Variants in DDN observed in about 807,000 individuals in gnomAD.
DDN encodes dendrin.
DDN carries 4 observed loss-of-function variants against 7.3 expected under a neutral mutation model. That is an observed-to-expected ratio of 0.55 (90% CI 0.27 to 1.25). DDN has a LOEUF of 1.25. DDN is among the 50% of genes most tolerant of loss of function. The pLI, the probability that DDN is intolerant of heterozygous loss-of-function variation, is 0.12. For synonymous variants in DDN, 425 were observed against 424.3 expected (o/e 1.00, Z -0.02); for missense variants, 933 against 974.7 (o/e 0.96, Z 0.57).
chr12:48,996,800 C>G lies in DDN; in HGVS notation c.2076G>C (p.Glu692Asp). The change falls in exon 2 of 2, where the codon GAG (glutamate) becomes GAC (aspartate). Residue 692 changes from glutamate (E) to aspartate (D), a missense_variant. Coordinates refer to ENST00000421952, the MANE Select transcript of DDN (RefSeq NM_015086.2). ...EILDVISQTE[E>D]VLFGVRDIRG... Reference sequence around the variant, plus strand: ...TGATGTCCCTCACCCCGAAGAGGACCTCCTCGGTTTGGCTTATGACATCTA... The same window carrying G: ...TGATGTCCCTCACCCCGAAGAGGACGTCCTCGGTTTGGCTTATGACATCTA... The G allele has an allele frequency of 1.2e-6, 2 of 1,614,184 alleles. No individual in the cohort carries two copies. The highest frequency in any genetic ancestry group is 1.3e-5 in the African/African-American group (1 of 75,046).
At position 48,997,009 on chromosome 12, in the gene DDN, C is replaced by T. The variant is rs868334385; in HGVS notation, c.1867G>A (p.Ala623Thr). Residue 623 changes from alanine to threonine, a missense_variant, in exon 2 of 2, where the codon GCC (alanine) becomes ACC (threonine). By Grantham distance (58) the Ala-to-Thr change is moderately conservative. Transcript: ENST00000421952. ...GCTTCGTCCGTGTCCGAGTCAGGGG[C>T]TGTGTGGCGGCGGATACGGGACACG... is the stretch of plus-strand genomic sequence containing the variant. ...EAVSRIRRHTAPDSDTDEAEE... is the reference protein window; with the variant it reads ...EAVSRIRRHTTPDSDTDEAEE... 6.4e-7 allele frequency: 1 copy of T among 1,568,494 alleles called. No homozygotes were observed. Among genetic ancestry groups the T allele is most frequent in the Non-Finnish European group, 8.6e-7 (1 of 1,157,540 alleles).
In DDN at chr12:48,997,415, C is replaced by G. The variant is rs1214111183; in HGVS notation, c.1461G>C (p.Gly487=). 1.9e-6 allele frequency: 3 copies of G among 1,613,828 alleles called. 1 individual carries two copies. The highest frequency in any genetic ancestry group is 2.5e-6 in the Non-Finnish European group (3 of 1,180,002). The change falls in exon 2 of 2, where the codon GGG becomes GGC. Residue 487 remains glycine (G), a synonymous_variant. Coordinates refer to ENST00000421952, the MANE Select transcript of DDN (RefSeq NM_015086.2). ...CGGGCTTCGATTGGCTGGGGGAATC[C>G]CCCACCACGCGTGTCACCCCAGAGG... ...LLPSGVTRVV[G]DSPSQSKPGK... is the part of the protein sequence containing the mutation.
Position 48,997,673 on chromosome 12 carries a change from G to A in DDN, c.1203C>T (p.Leu401=). Residue 401 remains leucine (L), a synonymous_variant, in exon 2 of 2, where the codon CTC becomes CTT. Coordinates refer to ENST00000421952, the MANE Select transcript of DDN (RefSeq NM_015086.2). ...TGCCTCCGGGAGCCCAGGGTCTGGG[G>A]AGTGTCTGGCTATGGCGGGGCGGCT... is the stretch of plus-strand genomic sequence containing the variant. ...KKQPPRHSQT[L]PRPWAPGGTG... is the part of the protein sequence containing the mutation. The A allele has an allele frequency of 6.4e-7, 1 of 1,566,806 alleles. No homozygotes were observed. Among genetic ancestry groups the A allele is most frequent in the Non-Finnish European group, 8.7e-7 (1 of 1,154,690 alleles).
rs1165573871 is a variant in DDN at position 48,999,225 on chromosome 12, C to A, written c.63G>T (p.Glu21Asp). ...TCTGCACCCAGAGGCAGCTGCCAGA[C>A]TCCTCATCCTGGAGCTCCCGGGGGC... ...PDSPRELQDE[E>D]SGSCLWVQKS... Residue 21 changes from glutamate (E) to aspartate (D), a missense_variant, in exon 1 of 2, where the codon GAG (glutamate) becomes GAT (aspartate). Transcript: ENST00000421952. The A allele has an allele frequency of 6.3e-7, 1 of 1,591,850 alleles. No individual in the cohort carries two copies. Among genetic ancestry groups the A allele is most frequent in the African/African-American group, 1.3e-5 (1 of 74,298 alleles).
In DDN at chr12:48,998,471, G is replaced by A; in HGVS notation, c.405C>T (p.Ala135=). 1 of 1,568,956 alleles carries A rather than the reference G, an allele frequency of 6.4e-7. No homozygotes were observed. Among genetic ancestry groups the A allele is most frequent in the Non-Finnish European group, 8.6e-7 (1 of 1,166,392 alleles). The change falls in exon 2 of 2, where the codon GCC becomes GCT. Residue 135 remains alanine (A), a synonymous_variant. Transcript: ENST00000421952. ...TERKRRKAGG[A]RRSPPGRPRP... The stretch of plus-strand genomic sequence containing the variant: ...GGGGTCGACCCGGGGGGCTCCGTCG[G>A]GCCCCACCAGCCTTGCGCCTTTTTC...
Position 48,996,669 on chromosome 12 carries a change from T to A in DDN, c.*71A>T. ...AAGGAAAAGAGAAGCAAAGGAAGTC[T>A]GTGGGGAAGAATGGGGACCAGTGGA... is the stretch of plus-strand genomic sequence containing the variant. On this transcript the variant is annotated 3_prime_UTR_variant, in exon 2 of 2. Coordinates refer to ENST00000421952, the MANE Select transcript of DDN (RefSeq NM_015086.2). The A allele has an allele frequency of 6.4e-7, 1 of 1,551,084 alleles. No individual in the cohort carries two copies. The highest frequency in any genetic ancestry group is 1.2e-5 in the South Asian group (1 of 81,456).
rs1392712324 is a variant in DDN at position 48,997,939 on chromosome 12, C to G, written c.937G>C (p.Val313Leu). The G allele has an allele frequency of 6.2e-7, 1 of 1,613,014 alleles. No homozygotes were observed. The highest frequency in any genetic ancestry group is 8.5e-7 in the Non-Finnish European group (1 of 1,180,020). The change falls in exon 2 of 2, where the codon GTC becomes CTC. Residue 313 changes from valine to leucine, a missense_variant. Val to Leu is a conservative substitution (Grantham distance 32). Coordinates refer to ENST00000421952, the MANE Select transcript of DDN (RefSeq NM_015086.2). Reference sequence around the variant, plus strand: ...GCCAGCCCCAGGCTTTTCTCCACGACCCCCTTGCCGGGCTCTGGCCTTGCT... The same window carrying G: ...GCCAGCCCCAGGCTTTTCTCCACGAGCCCCTTGCCGGGCTCTGGCCTTGCT... ...ARARPEPGKG[V>L]VEKSLGLAAA... is the part of the protein sequence containing the mutation.
At position 48,998,287 on chromosome 12, in the gene DDN, G is replaced by C. The variant is rs748499205; in HGVS notation, c.589C>G (p.Arg197Gly). 6.2e-7 allele frequency: 1 copy of C among 1,600,592 alleles called. No homozygotes were observed. The highest frequency in any genetic ancestry group is 1.1e-5 in the South Asian group (1 of 90,144). Residue 197 changes from arginine (R) to glycine (G), a missense_variant, in exon 2 of 2, where the codon CGG (arginine) becomes GGG (glycine). By Grantham distance (125) the Arg-to-Gly change is moderately radical (BLOSUM62 -2). Transcript: ENST00000421952. Reference protein sequence around the residue: ...SAWAGPWGGRRPGPPSYEAHL... With the variant: ...SAWAGPWGGRGPGPPSYEAHL... The stretch of plus-strand genomic sequence containing the variant: ...GCCTCGTAGCTTGGGGGCCCGGGCC[G>C]CCGACCTCCCCAGGGCCCCGCCCAC...
rs753329878 is a variant in DDN at position 48,998,635 on chromosome 12, G to A, written c.241C>T (p.Pro81Ser). ...CGPRPGSPQPPPRRPWASRVL... is the reference protein window; with the variant it reads ...CGPRPGSPQPSPRRPWASRVL... ...CTGGAGGCCCAGGGCCGGCGGGGCG[G>A]CGGCTGTGGGGATCCCGGGCGCGGC... The change falls in exon 2 of 2, where the codon CCG becomes TCG. Residue 81 changes from proline to serine, a missense_variant. By Grantham distance (74) the Pro-to-Ser change is moderately conservative. Transcript: ENST00000421952. 1.4e-5 allele frequency: 21 copies of A among 1,539,046 alleles called. No homozygotes were observed. Among genetic ancestry groups the A allele is most frequent in the Non-Finnish European group, 1.6e-5 (19 of 1,152,406 alleles).
At position 48,998,142 on chromosome 12, in the gene DDN, CCTCT is replaced by C; in HGVS notation, c.730_733del (p.Arg244AlafsTer81). The C allele has an allele frequency of 6.2e-7, 1 of 1,613,602 alleles. No individual in the cohort carries two copies. The highest frequency in any genetic ancestry group is 8.5e-7 in the Non-Finnish European group (1 of 1,180,008). On this transcript the variant is annotated frameshift_variant, in exon 2 of 2. Coordinates refer to ENST00000421952, the MANE Select transcript of DDN (RefSeq NM_015086.2). LOFTEE classifies it low-confidence loss of function (END_TRUNC). ...AGTGGGCACCTGAGAGTTCCCGGGG[CCTCT>C]CTTAGTCCCCAAGGTCCTATGGGGG...
Position 48,998,471 on chromosome 12 carries a change from G to T in DDN, c.405C>A (p.Ala135=). The T allele has an allele frequency of 6.4e-7, 1 of 1,568,956 alleles. No individual in the cohort carries two copies. Among genetic ancestry groups the T allele is most frequent in the South Asian group, 1.2e-5 (1 of 86,756 alleles). ...TERKRRKAGG[A]RRSPPGRPRP... ...GGGGTCGACCCGGGGGGCTCCGTCGGGCCCCACCAGCCTTGCGCCTTTTTC... is the reference window on the plus strand; with the variant it reads ...GGGGTCGACCCGGGGGGCTCCGTCGTGCCCCACCAGCCTTGCGCCTTTTTC... The change falls in exon 2 of 2, where the codon GCC becomes GCA. Residue 135 remains alanine, a synonymous_variant. Transcript: ENST00000421952.
At position 48,997,805 on chromosome 12, in the gene DDN, G is replaced by A; in HGVS notation, c.1071C>T (p.Ala357=). 1 of 1,613,708 alleles carries A rather than the reference G, an allele frequency of 6.2e-7. No individual in the cohort carries two copies. Among genetic ancestry groups the A allele is most frequent in the Non-Finnish European group, 8.5e-7 (1 of 1,179,774 alleles). The change falls in exon 2 of 2, where the codon GCC becomes GCT. Residue 357 remains alanine (A), a synonymous_variant. Coordinates refer to ENST00000421952, the MANE Select transcript of DDN (RefSeq NM_015086.2). ...PAGSATAAPC[A]PHPAPRSRHH... ...GCCTGGATCTGGGAGCGGGATGCGG[G>A]GCACAGGGAGCCGCAGTTGCAGACC...
rs746007087 is a variant in DDN at position 48,998,137 on chromosome 12, C to A, written c.739G>T (p.Gly247Trp). 3.7e-6 allele frequency: 6 copies of A among 1,613,534 alleles called. No individual in the cohort carries two copies. The African/African-American group carries it at 6.7e-5, about 18-fold the overall frequency. ...HRTLGTKRGP[G>W]NSQVPTSSAP... Reference sequence around the variant, plus strand: ...GATGAAGTGGGCACCTGAGAGTTCCCGGGGCCTCTCTTAGTCCCCAAGGTC... The same window carrying A: ...GATGAAGTGGGCACCTGAGAGTTCCAGGGGCCTCTCTTAGTCCCCAAGGTC... Residue 247 changes from glycine to tryptophan, a missense_variant, in exon 2 of 2, where the codon GGG becomes TGG. Transcript: ENST00000421952.
In DDN at chr12:48,996,663, G is replaced by C. The variant is rs890209096; in HGVS notation, c.*77C>G. ...AGATACAAGGAAAAGAGAAGCAAAG[G>C]AAGTCTGTGGGGAAGAATGGGGACC... On this transcript the variant is annotated 3_prime_UTR_variant, in exon 2 of 2. Transcript: ENST00000421952. The C allele has an allele frequency of 3.2e-6, 5 of 1,538,482 alleles. No individual in the cohort carries two copies. In the African/African-American group the frequency reaches 4.1e-5, roughly 13 times the overall value.
At chr12:48,998,804 GTA>G (rs1941257050) in intron 1 of DDN, 138 bp from the exon 2 acceptor site, 2 of 1,144,102 alleles carry the variant, frequency 1.7e-6, no homozygotes, top group East Asian at 5.2e-5. Context: ...GTGCACGTGC[GTA>G]TATGTTAGGA....
rs772522583 is a variant in DDN, at chr12:48,997,231, A to G, written c.1645T>C (p.Leu549=). The change falls in exon 2 of 2, where the codon TTG becomes CTG. Residue 549 remains leucine (L), a synonymous_variant. Coordinates refer to ENST00000421952, the MANE Select transcript of DDN (RefSeq NM_015086.2). ...TTTACTTCGGGGGCCGGGAGCCCCA[A>G]GATGCGGAAAGTGCGCTCCTCCAGT... ...STLEERTFRI[L]GLPAPEVNLR... The G allele has an allele frequency of 1.1e-4, 180 of 1,592,842 alleles. No individual in the cohort carries two copies. The highest frequency in any genetic ancestry group is 7.3e-5 in the Non-Finnish European group (85 of 1,169,176).
Position 48,998,461 on chromosome 12 carries a change from G to C in DDN, c.415C>G (p.Pro139Ala). 1.3e-6 allele frequency: 2 copies of C among 1,559,038 alleles called. No homozygotes were observed. The highest frequency in any genetic ancestry group is 1.4e-5 in the African/African-American group (1 of 71,458). The change falls in exon 2 of 2, where the codon CCC (proline) becomes GCC (alanine). Residue 139 changes from proline to alanine, a missense_variant. Pro to Ala is a conservative substitution (Grantham distance 27). Transcript: ENST00000421952. ...GGCTCCGGGCGGGGTCGACCCGGGG[G>C]GCTCCGTCGGGCCCCACCAGCCTTG... Reference protein sequence around the residue: ...RRKAGGARRSPPGRPRPEPRN... With the variant: ...RRKAGGARRSAPGRPRPEPRN...
chr12:48,998,266 C>A lies in DDN; in HGVS notation c.610G>T (p.Glu204Ter), dbSNP rs1195796988. 6.2e-7 allele frequency: 1 copy of A among 1,608,314 alleles called. No individual in the cohort carries two copies. Among genetic ancestry groups the A allele is most frequent in the Non-Finnish European group, 8.5e-7 (1 of 1,177,822 alleles). Reference protein sequence around the residue: ...GGRRPGPPSYEAHLLLRGSAG... With the variant: ...GGRRPGPPSY ...GAACCTCTCAGCAGCAGGTGAGCCTCGTAGCTTGGGGGCCCGGGCCGCCGA... is the reference window on the plus strand; with the variant it reads ...GAACCTCTCAGCAGCAGGTGAGCCTAGTAGCTTGGGGGCCCGGGCCGCCGA... The change falls in exon 2 of 2, where the codon GAG (glutamate) becomes TAG (stop). Residue 204 changes from glutamate (E) to a stop codon, truncating the protein, a stop_gained. Coordinates refer to ENST00000421952, the MANE Select transcript of DDN (RefSeq NM_015086.2). LOFTEE classifies it low-confidence loss of function (END_TRUNC).
Position 48,996,652 on chromosome 12 carries a change from G to A in DDN, c.*88C>T. ...GGTATGGGTAAAGATACAAGGAAAA[G>A]AGAAGCAAAGGAAGTCTGTGGGGAA... On this transcript the variant is annotated 3_prime_UTR_variant, in exon 2 of 2. Coordinates refer to ENST00000421952, the MANE Select transcript of DDN (RefSeq NM_015086.2). 2.6e-6 allele frequency: 4 copies of A among 1,519,640 alleles called. No individual in the cohort carries two copies. Among genetic ancestry groups the A allele is most frequent in the Non-Finnish European group, 3.5e-6 (4 of 1,133,580 alleles). 94.1% of individuals were successfully genotyped at this position (1,519,640 alleles called of 1,614,324 possible).
Sources: allele counts gnomAD v4.1 joint callset, GRCh38; gene constraint gnomAD v4.1.1; transcripts MANE v1.5; gene names NCBI Gene and HGNC (gene_info 2026-07-23, HGNC 2026-07-21).